Variants in STAB2 observed in about 807,000 individuals in gnomAD.
STAB2 encodes stabilin-2.
Under a neutral mutation model 338.1 loss-of-function variants are expected in STAB2, and 288 were observed. That is an observed-to-expected ratio of 0.85 (90% confidence interval 0.77 to 0.94). STAB2 has a LOEUF of 0.94. Ranked by LOEUF, STAB2 falls within the 40% of genes least tolerant of loss-of-function variation. The pLI, the probability that STAB2 is intolerant of heterozygous loss-of-function variation, is 0.00. For synonymous variants in STAB2, 1,202 were observed against 1,193.3 expected, an observed-to-expected ratio of 1.01 and a Z score of -0.15; for missense variants, 3,141 against 3,210.1, an observed-to-expected ratio of 0.98 and a Z score of 0.52.
At position 103,739,395 on chromosome 12, in the gene STAB2, C is replaced by A; in HGVS notation, c.5698-17C>A. The A allele has an allele frequency of 6.4e-7, 1 of 1,565,044 alleles. No individual in the cohort carries two copies. Among genetic ancestry groups the A allele is most frequent in the Non-Finnish European group, 8.6e-7 (1 of 1,157,174 alleles). On this transcript the variant is annotated splice_polypyrimidine_tract_variant and intron_variant, in intron 53 of 68. Coordinates refer to ENST00000388887, the MANE Select transcript of STAB2 (RefSeq NM_017564.10). ...TGATATTCTTGGTTTTCAAGTGTTTCTTTTCTTGCATACTAGGGGGAGTGT... is the reference window on the plus strand; with the variant it reads ...TGATATTCTTGGTTTTCAAGTGTTTATTTTCTTGCATACTAGGGGGAGTGT...
At chr12:103,724,594 G>T (rs1881032584) in intron 44 of STAB2, among the ~76,000 whole-genome samples, 2 of 152,166 alleles carry the variant, frequency 1.3e-5, no homozygotes, top group South Asian at 4.1e-4. Context: ...TGTACCACCT[G>T]CCTTCTCTCT....
rs769339189 is a variant in STAB2, at chr12:103,712,404, T to C, written c.4372T>C (p.Cys1458Arg). 4.3e-6 allele frequency: 7 copies of C among 1,613,986 alleles called. No individual in the cohort carries two copies. The highest frequency in any genetic ancestry group is 1.7e-5 in the Admixed American group (1 of 60,002). ...TNSDGTASCK[C>R]AAGFQGNGTI... is the part of the protein sequence containing the mutation. ...CTCAGATGGTACAGCTTCATGCAAG[T>C]GTGCAGCAGGATTCCAAGGAAACGG... The change falls in exon 41 of 69, where the codon TGT (cysteine) becomes CGT (arginine). Residue 1458 changes from cysteine to arginine, a missense_variant. Transcript: ENST00000388887.
chr12:103,731,136 A>AGGCTGTTCT (rs1392188142), intron 49 of STAB2, among the ~76,000 whole-genome samples: 1 of 152,176 alleles, frequency 6.6e-6, no homozygotes, highest in Non-Finnish European at 1.5e-5. Flanking sequence ...CACCAACACC[A>AGGCTGTTCT]GGCTGTTCTG....
rs768146545 is a variant in STAB2 at position 103,737,656 on chromosome 12, A to G, written c.5573A>G (p.Gln1858Arg). Residue 1858 changes from glutamine to arginine, a missense_variant, in exon 53 of 69, where the codon CAA becomes CGA. Physicochemically the swap from Gln to Arg is conservative, Grantham distance 43. Coordinates refer to ENST00000388887, the MANE Select transcript of STAB2 (RefSeq NM_017564.10). ...RDIGDLFLNGQTCRIVQRELL... is the reference protein window; with the variant it reads ...RDIGDLFLNGRTCRIVQRELL... Reference sequence around the variant, plus strand: ...TAGGGTGACCTCTTTCTGAATGGCCAAACCTGCAGAATTGTGCAGCGGGAG... The same window carrying G: ...TAGGGTGACCTCTTTCTGAATGGCCGAACCTGCAGAATTGTGCAGCGGGAG... 5 of 1,606,458 alleles carry G rather than the reference A, an allele frequency of 3.1e-6. No individual in the cohort carries two copies. The highest frequency in any genetic ancestry group is 4.2e-6 in the Non-Finnish European group (5 of 1,177,848).
intron 3 of STAB2, among the ~76,000 whole-genome samples, chr12:103,608,691 T>C (rs1957072947): frequency 6.6e-6 from 1 of 152,240 alleles, no homozygotes; most frequent in Non-Finnish European, 1.5e-5. Flanking sequence ...TTTAGTTTAA[T>C]TAGATCCCAT....
chr12:103,761,530 TC>T, intron 66 of STAB2, 120 bp downstream of exon 66: 1 of 852,312 alleles, frequency 1.2e-6, no homozygotes, highest in Non-Finnish European at 1.8e-6. Context: ...TGGAGGAGCC[TC>T]CAGCCTCCAA....
chr12:103,739,542 TGTGTGTGTGTGTG>T (rs1882413795), intron 54 of STAB2, 74 bp downstream of exon 54: 2 of 573,268 alleles, frequency 3.5e-6, no homozygotes, highest in East Asian at 4.3e-5. Flanking sequence ...TGTGTGTGTG[TGTGTGTGTGTGTG>T]TGTGTGTGTG....
chr12:103,739,812 C>A (rs1882440747), intron 54 of STAB2, among the ~76,000 whole-genome samples: 1 of 152,144 alleles, frequency 6.6e-6, no homozygotes, highest in Non-Finnish European at 1.5e-5. Flanking sequence ...TTTATATACT[C>A]ATTACTCTAT....
chr12:103,611,019 G>A (rs1440192590), intron 3 of STAB2, among the ~76,000 whole-genome samples: 5 of 152,260 alleles, frequency 3.3e-5, no homozygotes, highest in African/African-American at 7.2e-5. Flanking sequence ...TCTTAATCCC[G>A]AGTTCTAGTT....
chr12:103,594,293 A>G, intron 2 of STAB2, 102 bp from the exon 3 acceptor site: 1 of 803,962 alleles, frequency 1.2e-6, no homozygotes. Context: ...TTTTAACTGT[A>G]GATAAATATT....
Position 103,666,313 on chromosome 12 carries a change from T to C in STAB2, c.2045T>C (p.Leu682Pro), listed in dbSNP as rs747909484. 6.2e-7 allele frequency: 1 copy of C among 1,614,162 alleles called. No homozygotes were observed. The highest frequency in any genetic ancestry group is 1.7e-5 in the Admixed American group (1 of 60,032). The change falls in exon 19 of 69, where the codon CTG becomes CCG. Residue 682 changes from leucine to proline, a missense_variant. Coordinates refer to ENST00000388887, the MANE Select transcript of STAB2 (RefSeq NM_017564.10). ...MKLGTCVSCSLVYWSRCPANS... is the reference protein window; with the variant it reads ...MKLGTCVSCSPVYWSRCPANS... ...CAGGGCACTTGTGTGAGCTGTTCTC[T>C]GGTGTACTGGAGCAGATGTCCTGCT...
At chr12:103,600,486 A>C (rs929908380) in intron 3 of STAB2, among the ~76,000 whole-genome samples, 1 of 152,224 alleles carries the variant, frequency 6.6e-6, no homozygotes, top group African/African-American at 2.4e-5. Flanking sequence ...TTATTTTTAT[A>C]AGGATACTGA....
chr12:103,733,163 A>T lies in STAB2; in HGVS notation c.5441A>T (p.His1814Leu). ...KDKLKEYLKF[H>L]VIRDAKVLAV... ...AAGCTGAAGGAGTATTTGAAGTTTCATGTGATACGAGATGCCAAGGTATTT... is the reference window on the plus strand; with the variant it reads ...AAGCTGAAGGAGTATTTGAAGTTTCTTGTGATACGAGATGCCAAGGTATTT... Residue 1814 changes from histidine (H) to leucine (L), a missense_variant, in exon 51 of 69, where the codon CAT becomes CTT. By Grantham distance (99) the His-to-Leu change is moderately conservative (BLOSUM62 -3). Coordinates refer to ENST00000388887, the MANE Select transcript of STAB2 (RefSeq NM_017564.10). 1.2e-6 allele frequency: 2 copies of T among 1,614,120 alleles called. No individual in the cohort carries two copies. The highest frequency in any genetic ancestry group is 1.7e-6 in the Non-Finnish European group (2 of 1,179,988).
In STAB2 at chr12:103,758,273, G is replaced by T; in HGVS notation, c.7091G>T (p.Gly2364Val). Reference sequence around the variant, plus strand: ...ACCCTCTTTGTGCCACAGAACAGTGGGCTGGGGGAGAATGAGGTGAGTTGA... The same window carrying T: ...ACCCTCTTTGTGCCACAGAACAGTGTGCTGGGGGAGAATGAGGTGAGTTGA... ...RGTLFVPQNS[G>V]LGENETLSGR... The change falls in exon 64 of 69, where the codon GGG (glycine) becomes GTG (valine). Residue 2364 changes from glycine to valine, a missense_variant. Physicochemically the swap from Gly to Val is moderately radical, Grantham distance 109. Coordinates refer to ENST00000388887, the MANE Select transcript of STAB2 (RefSeq NM_017564.10). 1 of 1,613,782 alleles carries T rather than the reference G, an allele frequency of 6.2e-7. No homozygotes were observed. The highest frequency in any genetic ancestry group is 8.5e-7 in the Non-Finnish European group (1 of 1,180,036).
At chr12:103,765,274 T>C (rs998206009) in intron 68 of STAB2, among the ~76,000 whole-genome samples, 7 of 152,116 alleles carry the variant, frequency 4.6e-5, no homozygotes, top group Admixed American at 2.0e-4. Flanking sequence ...GCACCATGCA[T>C]GAAAGATTTA....
chr12:103,641,105 A>G (rs1361596869), intron 9 of STAB2, among the ~76,000 whole-genome samples: 2 of 152,234 alleles, frequency 1.3e-5, no homozygotes, highest in African/African-American at 4.8e-5. Context: ...TGTGAGCTCA[A>G]AACCACAATC....
At chr12:103,609,960 A>G (rs959780656) in intron 3 of STAB2, among the ~76,000 whole-genome samples, 3 of 152,190 alleles carry the variant, frequency 2.0e-5, no homozygotes, top group African/African-American at 4.8e-5. Flanking sequence ...GGTTTTTGTC[A>G]TTGGTTCTGT....
Position 103,652,611 on chromosome 12 carries a change from T to A in STAB2, c.1313T>A (p.Ile438Lys). ...KAAQYFVKLHIIAGQMNIEYM... is the reference protein window; with the variant it reads ...KAAQYFVKLHKIAGQMNIEYM... ...GCTCAATACTTTGTGAAACTCCACATAATTGCTGGTCAGATGAACATCGAA... is the reference window on the plus strand; with the variant it reads ...GCTCAATACTTTGTGAAACTCCACAAAATTGCTGGTCAGATGAACATCGAA... Residue 438 changes from isoleucine (I) to lysine (K), a missense_variant, in exon 12 of 69, where the codon ATA becomes AAA. Physicochemically the swap from Ile to Lys is moderately radical, Grantham distance 102. Coordinates refer to ENST00000388887, the MANE Select transcript of STAB2 (RefSeq NM_017564.10). 6.2e-7 allele frequency: 1 copy of A among 1,609,736 alleles called. No homozygotes were observed. Among genetic ancestry groups the A allele is most frequent in the Non-Finnish European group, 8.5e-7 (1 of 1,178,172 alleles).
rs750367733 is a variant in STAB2 at position 103,740,631 on chromosome 12, G to C, written c.5756G>C (p.Gly1919Ala). Residue 1919 changes from glycine (G) to alanine (A), a missense_variant and splice_region_variant, in exon 55 of 69, where the codon GGT becomes GCT. Transcript: ENST00000388887. Reference protein sequence around the residue: ...PSCPRWSKPKGVKQKCLYNLP... With the variant: ...PSCPRWSKPKAVKQKCLYNLP... ...GGATGGTCCACTCTCTTCCCTTAGG[G>C]TGTGAAGCAGAAGTGTCTCTACAAC... The C allele has an allele frequency of 3.7e-6, 6 of 1,611,648 alleles. No individual in the cohort carries two copies. Among genetic ancestry groups the C allele is most frequent in the Non-Finnish European group, 5.1e-6 (6 of 1,179,060 alleles).
Sources: allele counts gnomAD v4.1 joint callset (sites outside exome capture counted in the v4.1 genomes callset), GRCh38; gene constraint gnomAD v4.1.1; transcripts MANE v1.5; gene names NCBI Gene and HGNC (gene_info 2026-07-23, HGNC 2026-07-21).